The following GABRP variants were observed in gnomAD, a reference collection of about 807,000 sequenced individuals.
GABRP encodes gamma-aminobutyric acid type A receptor subunit pi.
Under a neutral mutation model 47.8 loss-of-function variants are expected in GABRP, and 52 were observed. That is an observed-to-expected ratio of 1.09 (90% CI 0.87 to 1.37). GABRP has a LOEUF of 1.37. Among genes scored for constraint, GABRP ranks in the 40% most tolerant of loss-of-function variants. GABRP has a pLI of 0.00. For missense variants in GABRP, 525 were observed against 542.8 expected (o/e 0.97, Z 0.33); for synonymous variants, 221 against 205.8 (o/e 1.07, Z -0.63).
intron 3 of GABRP, 34 bp from the exon 4 acceptor site, chr5:170,794,197 T>C: frequency 1.3e-6 from 2 of 1,481,752 alleles, no homozygotes; most frequent in Non-Finnish European, 1.9e-6. Flanking sequence ...CTCATGGTTG[T>C]GTTTCCATTC....
intron 6 of GABRP, among the ~76,000 whole-genome samples, chr5:170,803,658 G>A (rs1765651381): frequency 6.6e-6 from 1 of 152,000 alleles, no homozygotes; most frequent in Non-Finnish European, 1.5e-5. Context: ...CCCATCACCA[G>A]CTCCCAGGCG....
chr5:170,793,019 G>A (rs1240377959), intron 3 of GABRP, among the ~76,000 whole-genome samples: 3 of 152,148 alleles, frequency 2.0e-5, no homozygotes, highest in Non-Finnish European at 4.4e-5. Flanking sequence ...CCATTATTGA[G>A]CGCCTATTAT....
chr5:170,797,148 T>A (rs143783387), intron 5 of GABRP, among the ~76,000 whole-genome samples: 70 of 152,352 alleles, frequency 4.6e-4, no homozygotes, highest in Non-Finnish European at 8.7e-4. Flanking sequence ...CCCAGGTCTG[T>A]CAGGAAGATA....
Position 170,789,171 on chromosome 5 carries a change from A to C in GABRP, c.96A>C (p.Arg32Ser), listed in dbSNP as rs748078594. The C allele has an allele frequency of 1.9e-6, 3 of 1,614,190 alleles. No individual in the cohort carries two copies. Among genetic ancestry groups the C allele is most frequent in the Non-Finnish European group, 2.5e-6 (3 of 1,180,018 alleles). Residue 32 changes from arginine (R) to serine (S), a missense_variant, in exon 3 of 10, where the codon AGA becomes AGC. Coordinates refer to ENST00000265294, the MANE Select transcript of GABRP (RefSeq NM_014211.3). ...GTCAGTTCAACGTCGAGGTCGGCAG[A>C]AGTGACAAGCTTTCCCTGCCTGGCT... ...QGSQFNVEVG[R>S]SDKLSLPGFE...
chr5:170,795,033 T>A (rs1034347699), intron 4 of GABRP, among the ~76,000 whole-genome samples, 175 bp from the exon 5 acceptor site: 2 of 145,882 alleles, frequency 1.4e-5, no homozygotes, highest in Non-Finnish European at 3.1e-5. Context: ...GTTACCCCAG[T>A]CTTGGGGTAG....
At chr5:170,798,861 T>C (rs1765508797) in intron 6 of GABRP, among the ~76,000 whole-genome samples, 1 of 152,160 alleles carries the variant, frequency 6.6e-6, no homozygotes, top group South Asian at 2.1e-4. Context: ...GTTTGTTACA[T>C]ATGTATACAT....
chr5:170,784,663 A>C (rs1013000761), intron 1 of GABRP, among the ~76,000 whole-genome samples: 1 of 152,244 alleles, frequency 6.6e-6, no homozygotes, highest in Non-Finnish European at 1.5e-5. Context: ...TCTATTAGTC[A>C]TAGTGGAATC....
chr5:170,795,980 G>C (rs1765417188), intron 5 of GABRP, among the ~76,000 whole-genome samples: 1 of 152,090 alleles, frequency 6.6e-6, no homozygotes, highest in Admixed American at 6.5e-5. Flanking sequence ...GCAGCCATGG[G>C]CTCCCCTTTG....
Position 170,812,376 on chromosome 5 carries a change from T to C in GABRP, c.*118T>C. The C allele has an allele frequency of 1.3e-6, 1 of 768,776 alleles. No individual in the cohort carries two copies. The highest frequency in any genetic ancestry group is 2.1e-6 in the Non-Finnish European group (1 of 474,228). 47.6% of individuals were successfully genotyped at this position (768,776 alleles called of 1,614,324 possible). On this transcript the variant is annotated 3_prime_UTR_variant, in exon 10 of 10. Coordinates refer to ENST00000265294, the MANE Select transcript of GABRP (RefSeq NM_014211.3). ...ATGGTGCTACAAGTGACTGAAATAA[T>C]ATTTGAGTCTTTCTGCTCAAAGAAT...
chr5:170,803,082 A>T (rs1373458673), intron 6 of GABRP, among the ~76,000 whole-genome samples: 3 of 151,754 alleles, frequency 2.0e-5, no homozygotes, highest in Admixed American at 6.6e-5. Context: ...TTTTTTTTTT[A>T]ATGTGGGATG....
intron 8 of GABRP, among the ~76,000 whole-genome samples, chr5:170,809,102 T>A (rs774406795): frequency 3.3e-5 from 5 of 152,038 alleles, no homozygotes; most frequent in Admixed American, 6.6e-5. Context: ...ATGCCCAACT[T>A]ATTTTTGTAT....
intron 5 of GABRP, among the ~76,000 whole-genome samples, chr5:170,796,331 A>T (rs904775118): frequency 4.6e-5 from 7 of 152,148 alleles, no homozygotes; most frequent in African/African-American, 1.7e-4. Context: ...ATCATCGTTA[A>T]TGTTCCCCTT....
intron 6 of GABRP, among the ~76,000 whole-genome samples, chr5:170,803,279 A>T (rs1348480514): frequency 6.6e-6 from 1 of 152,194 alleles, no homozygotes; most frequent in Non-Finnish European, 1.5e-5. Flanking sequence ...GTTAGTTCCA[A>T]CACCGGCATC....
At position 170,808,662 on chromosome 5, in the gene GABRP, G is replaced by A. The variant is rs578165631; in HGVS notation, c.742G>A (p.Glu248Lys). 1.2e-6 allele frequency: 2 copies of A among 1,613,968 alleles called. No homozygotes were observed. The highest frequency in any genetic ancestry group is 2.2e-5 in the South Asian group (2 of 91,068). ...LRRNVLYFIL[E>K]TYVPSTFLVV... is the part of the protein sequence containing the mutation. ...GAGGAATGTTCTGTATTTCATTTTG[G>A]AAACCTACGTTCCTTCCACTTTCCT... is the stretch of plus-strand genomic sequence containing the variant. Residue 248 changes from glutamate to lysine, a missense_variant, in exon 8 of 10, where the codon GAA becomes AAA. Coordinates refer to ENST00000265294, the MANE Select transcript of GABRP (RefSeq NM_014211.3).
At chr5:170,784,654 C>A (rs1262139577) in intron 1 of GABRP, among the ~76,000 whole-genome samples, 3 of 152,144 alleles carry the variant, frequency 2.0e-5, no homozygotes, top group African/African-American at 7.2e-5. Context: ...GATTTGGGTT[C>A]TATTAGTCAT....
intron 9 of GABRP, 72 bp downstream of exon 9, chr5:170,809,827 C>A: frequency 6.9e-7 from 1 of 1,452,372 alleles, no homozygotes; most frequent in Non-Finnish European, 9.4e-7. Context: ...ATGGGCTGGA[C>A]CTGGCTTCTA....
At chr5:170,800,869 C>T (rs975072282) in intron 6 of GABRP, among the ~76,000 whole-genome samples, 2 of 152,120 alleles carry the variant, frequency 1.3e-5, no homozygotes, top group African/African-American at 4.8e-5. Context: ...TCGCTTGAAC[C>T]CAGGAGGTGG....
intron 6 of GABRP, among the ~76,000 whole-genome samples, chr5:170,798,674 A>T (rs1452488705): frequency 6.6e-6 from 1 of 152,138 alleles, no homozygotes; most frequent in African/African-American, 2.4e-5. Context: ...AGATATGAAA[A>T]AGGTCATGGA....
intron 3 of GABRP, 113 bp downstream of exon 3, chr5:170,789,360 T>C: frequency 1.5e-6 from 1 of 660,824 alleles, no homozygotes; most frequent in African/African-American, 1.8e-5. Context: ...CTGCAGCCTG[T>C]TAAGGATTGG....
Sources: gnomAD v4.1 joint callset for allele counts (sites outside exome capture counted in the v4.1 genomes callset) on GRCh38, gnomAD v4.1.1 for gene constraint, MANE v1.5 for transcripts, NCBI Gene and HGNC (gene_info 2026-07-23, HGNC 2026-07-21) for gene names.